SLC25A48: variants seen among roughly 807,000 people sequenced by gnomAD.
The protein encoded by SLC25A48 is solute carrier family 25 member 48, also known as CTC-321K16.1.
In SLC25A48, 29 loss-of-function variants were observed where a neutral mutation model predicts 32.2. The ratio of observed to expected loss-of-function variants is 0.90; its 90% confidence interval spans 0.67 to 1.23. SLC25A48 has a LOEUF of 1.23. Among genes scored for constraint, SLC25A48 ranks in the 50% most tolerant of loss-of-function variants. The probability of loss-of-function intolerance (pLI) is 0.00; values close to 1 mark genes in which losing one functional copy is unlikely to be tolerated. For synonymous variants in SLC25A48, 164 were observed against 172.3 expected, an observed-to-expected ratio of 0.95 and a Z score of 0.38; for missense variants, 399 against 422.7, an observed-to-expected ratio of 0.94 and a Z score of 0.49.
intron 1 of SLC25A48, among the ~76,000 whole-genome samples, chr5:135,595,126 T>A (rs1183972963): frequency 6.6e-6 from 1 of 152,156 alleles, no homozygotes; most frequent in East Asian, 1.9e-4. Context: ...GAGCCCTCCA[T>A]CTTTAGGCAG....
intron 7 of SLC25A48, chr5:135,882,953 C>T (rs1202174009): frequency 1.5e-5 from 11 of 731,586 alleles, no homozygotes; most frequent in African/African-American, 1.9e-5. Flanking sequence ...CTGTACTTTG[C>T]CTCTTACTGC....
chr5:135,599,081 C>T (rs559764071), intron 1 of SLC25A48, among the ~76,000 whole-genome samples: 4 of 152,114 alleles, frequency 2.6e-5, no homozygotes, highest in Admixed American at 1.3e-4. Context: ...TCTCTGGGGT[C>T]GTCTTGGCCA....
chr5:135,879,107 A>G (rs544868325), intron 6 of SLC25A48, among the ~76,000 whole-genome samples: 2 of 152,294 alleles, frequency 1.3e-5, no homozygotes, highest in Non-Finnish European at 2.9e-5. Context: ...ATGGAAGACA[A>G]ATACAGGTGT....
chr5:135,644,034 G>T (rs552183554), intron 3 of SLC25A48, among the ~76,000 whole-genome samples: 80 of 152,312 alleles, frequency 5.3e-4, no homozygotes, highest in African/African-American at 1.9e-3. Flanking sequence ...CTTTAATCTA[G>T]TTCTTATGAT....
At chr5:135,641,404 C>T (rs1192083006) in intron 3 of SLC25A48, among the ~76,000 whole-genome samples, 1 of 152,202 alleles carries the variant, frequency 6.6e-6, no homozygotes, top group Non-Finnish European at 1.5e-5. Flanking sequence ...ACAGTTGGCT[C>T]TTTCTCTGGG....
chr5:135,757,812 TAATAA>T (rs1755955891), intron 3 of SLC25A48, among the ~76,000 whole-genome samples: 1 of 150,312 alleles, frequency 6.7e-6, no homozygotes, highest in South Asian at 2.1e-4. Context: ...AGTAAGATAT[TAATAA>T]AATATCTATA....
At chr5:135,607,325 A>G (rs17168725) in intron 1 of SLC25A48, among the ~76,000 whole-genome samples, 26,421 of 152,142 alleles carry the variant, frequency 0.17, 2,464 homozygotes, top group East Asian at 0.31. Context: ...AATACAGCTG[A>G]TCTCCAATCA....
At chr5:135,735,530 C>T (rs1755339607) in intron 3 of SLC25A48, among the ~76,000 whole-genome samples, 1 of 152,194 alleles carries the variant, frequency 6.6e-6, no homozygotes, top group Non-Finnish European at 1.5e-5. Context: ...TCATAATTAA[C>T]AGCTTTGTAA....
intron 3 of SLC25A48, among the ~76,000 whole-genome samples, chr5:135,770,969 T>C (rs6872740): frequency 2.6e-5 from 4 of 151,900 alleles, no homozygotes; most frequent in Non-Finnish European, 5.9e-5. Flanking sequence ...CCCTGTTATA[T>C]TGTTCCTAAT....
At chr5:135,795,784 T>G (rs1757154462) in intron 3 of SLC25A48, among the ~76,000 whole-genome samples, 1 of 150,566 alleles carries the variant, frequency 6.6e-6, no homozygotes, top group South Asian at 2.1e-4. Flanking sequence ...TCACTGGTGG[T>G]GTAGACTCCC....
chr5:135,734,467 A>G (rs1412452964), intron 3 of SLC25A48, among the ~76,000 whole-genome samples: 2 of 152,108 alleles, frequency 1.3e-5, no homozygotes, highest in East Asian at 3.9e-4. Flanking sequence ...CGCAACAGTT[A>G]TGGAGGCAAA....
chr5:135,667,898 C>T (rs1055332392), intron 3 of SLC25A48, among the ~76,000 whole-genome samples: 3 of 152,218 alleles, frequency 2.0e-5, no homozygotes, highest in Non-Finnish European at 4.4e-5. Context: ...GCATCACTTC[C>T]TGCTTTGACC....
rs571224640 is a variant in SLC25A48, at chr5:135,757,485, T to C, written c.-520-55038T>C. On this transcript the variant is annotated intron_variant, in intron 3 of 10. Transcript: ENST00000646290. ...AACACACAATAATATTAATAAAATA[T>C]CATCTATATGATATTTATAATGTCT... 1.8e-4 allele frequency among the ~76,000 whole-genome samples: 27 copies of C among 147,580 alleles called. No homozygotes were observed. In the East Asian group the frequency reaches 5.6e-3, roughly 31 times the overall value.
At chr5:135,811,624 C>G (rs1226163716) in intron 3 of SLC25A48, among the ~76,000 whole-genome samples, 1 of 152,044 alleles carries the variant, frequency 6.6e-6, no homozygotes, top group Non-Finnish European at 1.5e-5. Context: ...TTAAAATATA[C>G]ATGTAATTTC....
intron 3 of SLC25A48, among the ~76,000 whole-genome samples, chr5:135,789,267 G>T (rs1756952477): frequency 6.8e-5 from 3 of 43,916 alleles, no homozygotes; most frequent in African/African-American, 9.4e-5. Flanking sequence ...CATGTGGCAG[G>T]GGGTGTACAC....
chr5:135,621,983 T>A (rs1361622737), intron 1 of SLC25A48, among the ~76,000 whole-genome samples: 4 of 152,168 alleles, frequency 2.6e-5, no homozygotes, highest in African/African-American at 9.6e-5. Flanking sequence ...CTTGTATAGT[T>A]CAATAAGAAA....
chr5:135,636,201 G>T (rs1396240552), intron 3 of SLC25A48, among the ~76,000 whole-genome samples: 1 of 152,042 alleles, frequency 6.6e-6, no homozygotes. Flanking sequence ...AATTTCATTC[G>T]ACAATCACAA....
chr5:135,725,456 G>C lies in SLC25A48; in HGVS notation c.-520-87067G>C, dbSNP rs78465226. Among the ~76,000 whole-genome samples the C allele has an allele frequency of 7.3e-3, 1,106 of 152,300 alleles. 12 individuals are homozygous for C. Among genetic ancestry groups the C allele is most frequent in the African/African-American group, 0.025 (1,035 of 41,558 alleles). On this transcript the variant is annotated intron_variant, in intron 3 of 10. Coordinates refer to the SLC25A48 transcript ENST00000646290. Reference sequence around the variant, plus strand: ...TGCAAAGGCCCTGAGGTGGGAAACAGCTAGGCAAGTTTCAGGAACAGAAAG... The same window carrying C: ...TGCAAAGGCCCTGAGGTGGGAAACACCTAGGCAAGTTTCAGGAACAGAAAG...
intron 3 of SLC25A48, among the ~76,000 whole-genome samples, chr5:135,806,068 C>T (rs564329401): frequency 6.6e-6 from 1 of 151,476 alleles, no homozygotes; most frequent in Admixed American, 6.6e-5. Context: ...AGATATTATC[C>T]CTAATATCTC....
Sources: gnomAD v4.1 joint callset for allele counts (sites outside exome capture counted in the v4.1 genomes callset) on GRCh38, gnomAD v4.1.1 for gene constraint, MANE v1.5 for transcripts, NCBI Gene and HGNC (gene_info 2026-07-23, HGNC 2026-07-21) for gene names.